ADD3: variants seen among roughly 807,000 people sequenced by gnomAD.
The protein encoded by ADD3 is gamma-adducin.
ADD3 carries 25 observed loss-of-function variants against 80.2 expected under a neutral mutation model. The observed-to-expected ratio is 0.31, with a 90% confidence interval of 0.23 to 0.44. The LOEUF (loss-of-function observed/expected upper bound fraction) is 0.44, where lower values mean the gene tolerates loss of function less well. Ranked by LOEUF, ADD3 falls within the 20% of genes least tolerant of loss-of-function variation. The pLI is 1.00. For missense variants in ADD3, 829 were observed against 847.5 expected (o/e 0.98, Z 0.27); for synonymous variants, 284 against 289.6 (o/e 0.98, Z 0.20).
intron 2 of ADD3, among the ~76,000 whole-genome samples, chr10:110,101,675 C>G (rs1848828368): frequency 6.6e-6 from 1 of 151,244 alleles, no homozygotes; most frequent in African/African-American, 2.4e-5. Flanking sequence ...GTGGAAAAAT[C>G]CTGTCTGCAC....
At chr10:110,005,363 T>G (rs1175330483), upstream of ADD3, among the ~76,000 whole-genome samples, 1 of 152,208 alleles carries the variant, frequency 6.6e-6, no homozygotes. Context: ...CCCGGCAATA[T>G]TGTGATTTTT....
At chr10:110,059,333 G>A (rs879365007) in intron 1 of ADD3, among the ~76,000 whole-genome samples, 7 of 152,146 alleles carry the variant, frequency 4.6e-5, no homozygotes, top group Non-Finnish European at 8.8e-5. Context: ...TTAGCTGGGC[G>A]TGGTGGCGCA....
intron 1 of ADD3, among the ~76,000 whole-genome samples, chr10:110,050,314 C>T (rs929035669): frequency 2.0e-5 from 3 of 152,026 alleles, no homozygotes; most frequent in Non-Finnish European, 4.4e-5. Flanking sequence ...ATATTTGAAT[C>T]ATGGGGGCAG....
chr10:110,109,926 T>G (rs1849803268), intron 2 of ADD3, among the ~76,000 whole-genome samples: 1 of 152,116 alleles, frequency 6.6e-6, no homozygotes, highest in Non-Finnish European at 1.5e-5. Context: ...ATGAAGTATA[T>G]CTTTGTAGAG....
chr10:110,025,215 T>A (rs948916409), intron 1 of ADD3, among the ~76,000 whole-genome samples: 3 of 152,078 alleles, frequency 2.0e-5, no homozygotes, highest in African/African-American at 4.8e-5. Context: ...TTAAAACGTT[T>A]CCTTTCCTAG....
intron 1 of ADD3, chr10:110,075,683 G>C (rs1017204389): frequency 1.3e-5 from 2 of 152,186 alleles, no homozygotes; most frequent in Non-Finnish European, 2.9e-5. Context: ...TATCAAGACA[G>C]GATTCTTCTA....
chr10:110,064,149 G>A (rs1048517513), intron 1 of ADD3, among the ~76,000 whole-genome samples: 1 of 151,846 alleles, frequency 6.6e-6, no homozygotes, highest in African/African-American at 2.4e-5. Context: ...TTAGATAATG[G>A]TCATTCAGAT....
chr10:109,999,116 TG>T (rs1851434629), intron 1 of ADD3, among the ~76,000 whole-genome samples: 1 of 152,172 alleles, frequency 6.6e-6, no homozygotes, highest in Admixed American at 6.5e-5. Context: ...ACTGGAAGTG[TG>T]GCAACTTAAA....
At chr10:110,084,289 G>A (rs1463515401) in intron 1 of ADD3, among the ~76,000 whole-genome samples, 3 of 152,110 alleles carry the variant, frequency 2.0e-5, no homozygotes, top group Non-Finnish European at 4.4e-5. Flanking sequence ...AAAATGTTTT[G>A]TATATTAATC....
At chr10:110,095,115 C>T (rs1415494680) in intron 1 of ADD3, among the ~76,000 whole-genome samples, 4 of 152,170 alleles carry the variant, frequency 2.6e-5, no homozygotes. Flanking sequence ...AATTCAGCCC[C>T]CATTTATGGA....
At chr10:110,006,380 T>G (rs1204947222), upstream of ADD3, among the ~76,000 whole-genome samples, 2 of 152,198 alleles carry the variant, frequency 1.3e-5, no homozygotes, top group East Asian at 3.8e-4. Flanking sequence ...CCTTGATGCA[T>G]GCAAAGCTTT....
At chr10:110,117,321 C>T in intron 4 of ADD3, 21 bp from the exon 5 acceptor site, 10 of 1,336,176 alleles carry the variant, frequency 7.5e-6, no homozygotes, top group Non-Finnish European at 1.1e-5. Context: ...CATAGTAATT[C>T]CCTGTTGTTT....
At chr10:110,084,576 C>T (rs1329325723) in intron 1 of ADD3, among the ~76,000 whole-genome samples, 1 of 152,146 alleles carries the variant, frequency 6.6e-6, no homozygotes, top group Non-Finnish European at 1.5e-5. Context: ...AATTGAGGGA[C>T]TTGGGACACG....
At chr10:110,025,962 G>A (rs61881614) in intron 1 of ADD3, among the ~76,000 whole-genome samples, 12 of 152,112 alleles carry the variant, frequency 7.9e-5, no homozygotes, top group Admixed American at 2.6e-4. Flanking sequence ...GGAAAGTTTT[G>A]TGAAGTTTTT....
intron 1 of ADD3, among the ~76,000 whole-genome samples, chr10:110,030,252 G>A (rs1209592229): frequency 1.3e-5 from 2 of 150,858 alleles, no homozygotes; most frequent in Non-Finnish European, 3.0e-5. Flanking sequence ...GAACCCAGGA[G>A]GCGGAGGTTG....
chr10:110,062,200 T>TAAAAAAAAAAAAA (rs57540485), intron 1 of ADD3, among the ~76,000 whole-genome samples: 2 of 35,198 alleles, frequency 5.7e-5, no homozygotes, highest in African/African-American at 2.1e-4. Context: ...CTGTCTCTAC[T>TAAAAAAAAAAAAA]AAAAAAAAAA....
At chr10:110,079,459 A>AGTGTGTGT (rs1238883360) in intron 1 of ADD3, among the ~76,000 whole-genome samples, 13 of 112,326 alleles carry the variant, frequency 1.2e-4, no homozygotes, top group African/African-American at 6.1e-4. Flanking sequence ...AGAGAGAGAG[A>AGTGTGTGT]GAGTGTGTGT....
At chr10:110,115,628 A>C (rs935531381) in intron 3 of ADD3, among the ~76,000 whole-genome samples, 3 of 152,232 alleles carry the variant, frequency 2.0e-5, no homozygotes, top group Non-Finnish European at 4.4e-5. Flanking sequence ...GTAGACAAGG[A>C]ATAAGAGATC....
At chr10:110,021,743 G>A (rs1479889616) in intron 1 of ADD3, among the ~76,000 whole-genome samples, 2 of 152,054 alleles carry the variant, frequency 1.3e-5, no homozygotes, top group Non-Finnish European at 2.9e-5. Flanking sequence ...TGGGTACTGG[G>A]TTTCCTTTTG....
Sources: allele counts gnomAD v4.1 joint callset (sites outside exome capture counted in the v4.1 genomes callset), GRCh38; gene constraint gnomAD v4.1.1; transcripts MANE v1.5; gene names NCBI Gene and HGNC (gene_info 2026-07-23, HGNC 2026-07-21).